The following HTR4 variants were observed in gnomAD, a reference collection of about 807,000 sequenced individuals.
HTR4 encodes the protein 5-hydroxytryptamine (serotonin) receptor 4, G protein-coupled.
Under a neutral mutation model 36.8 loss-of-function variants are expected in HTR4, and 16 were observed. The observed-to-expected ratio is 0.43, with a 90% confidence interval of 0.29 to 0.66. HTR4 has a LOEUF of 0.66. Ranked by LOEUF, HTR4 falls within the 30% of genes least tolerant of loss-of-function variation. The pLI is 0.13. For missense variants in HTR4, 438 were observed against 490.9 expected, an observed-to-expected ratio of 0.89 and a Z score of 1.02; for synonymous variants, 189 against 185.1, an observed-to-expected ratio of 1.02 and a Z score of -0.17.
chr5:148,615,700 G>T (rs868585896), intron 2 of HTR4, among the ~76,000 whole-genome samples: 4,698 of 143,358 alleles, frequency 0.033, 265 homozygotes, highest in African/African-American at 0.11. Flanking sequence ...AATAAAGAAA[G>T]AAAGAAAGAA....
At chr5:148,554,030 C>T (rs1416051546) in intron 2 of HTR4, among the ~76,000 whole-genome samples, 1 of 152,196 alleles carries the variant, frequency 6.6e-6, no homozygotes, top group Non-Finnish European at 1.5e-5. Context: ...ATACATACTA[C>T]AAAATTTTAT....
intron 6 of HTR4, among the ~76,000 whole-genome samples, chr5:148,498,607 G>T (rs767429265): frequency 1.3e-5 from 2 of 152,090 alleles, no homozygotes; most frequent in Non-Finnish European, 2.9e-5. Context: ...ATAAGGAATT[G>T]TATACTCTAA....
intron 6 of HTR4, among the ~76,000 whole-genome samples, chr5:148,488,772 G>A (rs1005910000): frequency 2.6e-5 from 4 of 152,146 alleles, no homozygotes; most frequent in Non-Finnish European, 5.9e-5. Context: ...AGAAAGCTGA[G>A]CTTTCATAGT....
At chr5:148,562,172 T>C (rs1760240995) in intron 2 of HTR4, among the ~76,000 whole-genome samples, 1 of 152,242 alleles carries the variant, frequency 6.6e-6, no homozygotes, top group Non-Finnish European at 1.5e-5. Context: ...ATCATTTATG[T>C]AGTTCCTCTA....
At position 148,481,818 on chromosome 5, in the gene HTR4, C is replaced by T. The variant is rs533266619; in HGVS notation, c.*1385G>A. On this transcript the variant is annotated 3_prime_UTR_variant, in exon 7 of 7. Coordinates refer to ENST00000377888, the MANE Select transcript of HTR4 (RefSeq NM_000870.7). ...ATGGGGCATTCGCAAGAGCCACTGACTCAGCTTTGAATAAAAGACATCCAG... is the reference window on the plus strand; with the variant it reads ...ATGGGGCATTCGCAAGAGCCACTGATTCAGCTTTGAATAAAAGACATCCAG... 1.5e-6 allele frequency: 2 copies of T among 1,343,100 alleles called. No homozygotes were observed. Among genetic ancestry groups the T allele is most frequent in the Non-Finnish European group, 1.9e-6 (2 of 1,054,304 alleles). The allele number at this position is 1,343,100 out of a possible 1,614,324, so 83.2% of individuals were successfully genotyped here.
intron 6 of HTR4, chr5:148,509,253 A>G: frequency 1.9e-6 from 1 of 513,162 alleles, no homozygotes; most frequent in Non-Finnish European, 3.4e-6. Context: ...TGGGGACTTG[A>G]TTAGAATTCA....
chr5:148,581,350 T>C (rs1211288057), intron 2 of HTR4, among the ~76,000 whole-genome samples: 1 of 152,082 alleles, frequency 6.6e-6, no homozygotes, highest in Non-Finnish European at 1.5e-5. Context: ...TCGTTTAATG[T>C]AGCTCTACTT....
chr5:148,552,338 A>G (rs1455129409), intron 2 of HTR4, among the ~76,000 whole-genome samples: 1 of 152,246 alleles, frequency 6.6e-6, no homozygotes, highest in Non-Finnish European at 1.5e-5. Flanking sequence ...CAGTACAAAT[A>G]TCAGATAGGG....
chr5:148,527,883 T>C (rs1255592359), intron 4 of HTR4, among the ~76,000 whole-genome samples: 1 of 152,154 alleles, frequency 6.6e-6, no homozygotes, highest in African/African-American at 2.4e-5. Context: ...CAAAGTGCTG[T>C]CATTACAAAC....
At chr5:148,470,693 A>G (rs1755546891) in intron 5 of HTR4, among the ~76,000 whole-genome samples, 1 of 152,050 alleles carries the variant, frequency 6.6e-6, no homozygotes, top group Admixed American at 6.6e-5. Flanking sequence ...CTCTAGAAGT[A>G]ATTTCTTTTT....
chr5:148,453,822 G>A (rs976168409), intron 5 of HTR4, among the ~76,000 whole-genome samples: 4 of 152,142 alleles, frequency 2.6e-5, no homozygotes, highest in Non-Finnish European at 5.9e-5. Flanking sequence ...TATATGGGAT[G>A]GAGGTAAGGT....
intron 5 of HTR4, among the ~76,000 whole-genome samples, chr5:148,452,920 G>A (rs149558376): frequency 3.2e-4 from 48 of 152,348 alleles, no homozygotes; most frequent in African/African-American, 4.6e-4. Flanking sequence ...CTAGTGAGTC[G>A]TAGATGCTCA....
chr5:148,534,032 A>T (rs1247188200), intron 4 of HTR4, among the ~76,000 whole-genome samples: 1 of 152,248 alleles, frequency 6.6e-6, no homozygotes, highest in Non-Finnish European at 1.5e-5. Flanking sequence ...AAATGAAAGC[A>T]TTAAGACCAT....
At chr5:148,632,001 C>T (rs192428370) in intron 2 of HTR4, among the ~76,000 whole-genome samples, 1 of 152,044 alleles carries the variant, frequency 6.6e-6, no homozygotes. Context: ...TAGTGGCTCC[C>T]TAGTACCGTC....
chr5:148,620,761 C>T (rs1752885639), intron 2 of HTR4, among the ~76,000 whole-genome samples: 1 of 152,192 alleles, frequency 6.6e-6, no homozygotes, highest in South Asian at 2.1e-4. Flanking sequence ...ACAACCTGCT[C>T]TGTAAAGTCC....
At chr5:148,539,135 C>A (rs1055050038) in intron 4 of HTR4, among the ~76,000 whole-genome samples, 2 of 152,182 alleles carry the variant, frequency 1.3e-5, no homozygotes, top group African/African-American at 4.8e-5. Flanking sequence ...AAAAGATTCC[C>A]TATTCAATAA....
At chr5:148,550,787 G>A (rs1004195553) in intron 2 of HTR4, among the ~76,000 whole-genome samples, 5 of 152,164 alleles carry the variant, frequency 3.3e-5, no homozygotes, top group African/African-American at 9.7e-5. Context: ...TTGGACCAAG[G>A]CATGGGGACC....
chr5:148,463,311 T>A (rs6871631), intron 5 of HTR4, among the ~76,000 whole-genome samples: 6,252 of 151,320 alleles, frequency 0.041, 440 homozygotes, highest in African/African-American at 0.14. Flanking sequence ...TAGATGGGAC[T>A]ACAGGCATGC....
chr5:148,460,775 A>C (rs1755256208), intron 5 of HTR4, among the ~76,000 whole-genome samples: 1 of 152,126 alleles, frequency 6.6e-6, no homozygotes, highest in Middle Eastern at 3.2e-3. Context: ...TTAATTGCTC[A>C]GGTAGATAAC....
Sources: gnomAD v4.1 joint callset for allele counts (sites outside exome capture counted in the v4.1 genomes callset) on GRCh38, gnomAD v4.1.1 for gene constraint, MANE v1.5 for transcripts, NCBI Gene and HGNC (gene_info 2026-07-23, HGNC 2026-07-21) for gene names.